TMEM131: variants seen among roughly 807,000 people sequenced by gnomAD.
The protein encoded by TMEM131 is 2610524E03Rik.
Under a neutral mutation model 211.6 loss-of-function variants are expected in TMEM131, and 66 were observed. That is an observed-to-expected ratio of 0.31 (90% confidence interval 0.26 to 0.38). TMEM131 has a LOEUF of 0.38. TMEM131 is among the 10% of genes least tolerant of loss of function. TMEM131 has a pLI of 1.00. For synonymous variants in TMEM131, 844 were observed against 841.3 expected (o/e 1.00, Z -0.06); for missense variants, 2,036 against 2,299.3 (o/e 0.89, Z 2.34).
At chr2:97,793,993 C>G (rs1212773455) in intron 29 of TMEM131, among the ~76,000 whole-genome samples, 1 of 54,434 alleles carries the variant, frequency 1.8e-5, no homozygotes, top group African/African-American at 7.6e-5. Flanking sequence ...GACTCTGTCT[C>G]AAAAAAAAAA....
intron 29 of TMEM131, among the ~76,000 whole-genome samples, chr2:97,793,811 G>A (rs752732162): frequency 2.0e-5 from 3 of 151,616 alleles, no homozygotes; most frequent in Non-Finnish European, 2.9e-5. Flanking sequence ...TGGCTAACAT[G>A]GTGAAACCCC....
At chr2:97,909,420 G>A (rs1018408739) in intron 2 of TMEM131, among the ~76,000 whole-genome samples, 3 of 152,098 alleles carry the variant, frequency 2.0e-5, no homozygotes, top group Admixed American at 2.0e-4. Flanking sequence ...GCCTTGTAAG[G>A]AAGTCATGGG....
At chr2:97,812,285 T>C in intron 17 of TMEM131, 136 bp downstream of exon 17, 4 of 950,568 alleles carry the variant, frequency 4.2e-6, no homozygotes, top group Non-Finnish European at 6.0e-6. Context: ...ACCTATAAGG[T>C]CCTTTTAATA....
chr2:97,810,775 T>G (rs1681512477), intron 18 of TMEM131, among the ~76,000 whole-genome samples: 1 of 152,212 alleles, frequency 6.6e-6, no homozygotes, highest in African/African-American at 2.4e-5. Context: ...AGACCCTGAC[T>G]GCTATTTATG....
chr2:97,775,200 G>T (rs558830110), intron 32 of TMEM131, among the ~76,000 whole-genome samples: 1 of 152,120 alleles, frequency 6.6e-6, no homozygotes, highest in Non-Finnish European at 1.5e-5. Flanking sequence ...AGGCCCACTG[G>T]ACCCGACACT....
intron 3 of TMEM131, among the ~76,000 whole-genome samples, chr2:97,894,161 T>C (rs1438772705): frequency 6.6e-6 from 1 of 152,232 alleles, no homozygotes; most frequent in Non-Finnish European, 1.5e-5. Flanking sequence ...CTTGTTTTTG[T>C]CAGGTTTGTC....
At chr2:97,943,089 G>GAAAGAAAGAAAGAAAGAA (rs1559464696) in intron 1 of TMEM131, among the ~76,000 whole-genome samples, 1 of 147,054 alleles carries the variant, frequency 6.8e-6, no homozygotes, top group South Asian at 2.1e-4. Flanking sequence ...AAGAAAGAAA[G>GAAAGAAAGAAAGAAAGAA]AAAGAAAGAA....
chr2:97,995,344 C>T (rs1354191774), intron 1 of TMEM131, 132 bp downstream of exon 1: 22 of 910,582 alleles, frequency 2.4e-5, no homozygotes, highest in East Asian at 3.5e-5. Flanking sequence ...GGTCCCGGCT[C>T]GGGACGGTAC....
chr2:97,822,589 T>C (rs1485542957), intron 11 of TMEM131, among the ~76,000 whole-genome samples: 1 of 152,106 alleles, frequency 6.6e-6, no homozygotes. Context: ...TTGGTCCTCT[T>C]TGTGGTATAG....
At chr2:97,810,570 T>C (rs1046821329) in intron 18 of TMEM131, among the ~76,000 whole-genome samples, 2 of 152,180 alleles carry the variant, frequency 1.3e-5, no homozygotes, top group African/African-American at 4.8e-5. Context: ...GATATACAAT[T>C]AAAAACATTT....
In TMEM131 at chr2:97,801,548, A is replaced by ATGAC. The variant is rs567035986; in HGVS notation, c.2718+343_2718+346dup. On this transcript the variant is annotated intron_variant, in intron 25 of 40. Coordinates refer to ENST00000186436, the MANE Select transcript of TMEM131 (RefSeq NM_015348.2). ...CAAAGTATCCAGAATGAAAATGTAA[A>ATGAC]TGACTGAGCTCAATATTTTGATGCT... Among the ~76,000 whole-genome samples the ATGAC allele has an allele frequency of 7.4e-4, 113 of 152,354 alleles. 1 individual carries two copies. The East Asian group carries it at 9.1e-3, about 12-fold the overall frequency.
chr2:97,954,806 CAA>C (rs778680522), intron 1 of TMEM131, among the ~76,000 whole-genome samples: 3 of 37,052 alleles, frequency 8.1e-5, no homozygotes, highest in African/African-American at 1.2e-4. Context: ...AACTCCATCT[CAA>C]AAAAAAAAAA....
intron 31 of TMEM131, among the ~76,000 whole-genome samples, chr2:97,785,241 G>A (rs1680192182): frequency 6.6e-6 from 1 of 152,176 alleles, no homozygotes; most frequent in South Asian, 2.1e-4. Context: ...CTACAGGCAA[G>A]TAAAAATTAT....
intron 24 of TMEM131, 62 bp downstream of exon 24, chr2:97,802,366 G>A (rs1485917711): frequency 8.1e-7 from 1 of 1,236,910 alleles, no homozygotes; most frequent in African/African-American, 1.5e-5. Context: ...GGCTTTTTAA[G>A]TGAATAAAAT....
At chr2:97,931,798 C>G (rs926935786) in intron 1 of TMEM131, among the ~76,000 whole-genome samples, 1 of 152,196 alleles carries the variant, frequency 6.6e-6, no homozygotes, top group African/African-American at 2.4e-5. Context: ...GTCCCCAAAG[C>G]TGTGTTACAG....
chr2:97,788,014 C>G lies in TMEM131; in HGVS notation c.4144+4372G>C, dbSNP rs187877481. ...TCTCTATCTGTGAGGTTCCTTCTGGCTAAAGGTCCTTCCCCAAGTTGCTAA... is the reference window on the plus strand; with the variant it reads ...TCTCTATCTGTGAGGTTCCTTCTGGGTAAAGGTCCTTCCCCAAGTTGCTAA... On this transcript the variant is annotated intron_variant, in intron 31 of 40. Transcript: ENST00000186436. 2.0e-5 allele frequency among the ~76,000 whole-genome samples: 3 copies of G among 152,268 alleles called. No individual in the cohort carries two copies. In the East Asian group the frequency reaches 5.8e-4, roughly 29 times the overall value.
At chr2:97,779,923 G>C (rs1679916474) in intron 31 of TMEM131, among the ~76,000 whole-genome samples, 1 of 152,136 alleles carries the variant, frequency 6.6e-6, no homozygotes, top group African/African-American at 2.4e-5. Context: ...AGAAGGCTGA[G>C]GCAGGAGGAT....
chr2:97,911,204 A>G (rs1181991560), intron 2 of TMEM131, among the ~76,000 whole-genome samples: 1 of 152,206 alleles, frequency 6.6e-6, no homozygotes, highest in Admixed American at 6.6e-5. Context: ...AAAAAAGTAC[A>G]TTCTGTATGA....
intron 2 of TMEM131, chr2:97,911,535 T>A: frequency 1.6e-6 from 1 of 633,992 alleles, no homozygotes; most frequent in Non-Finnish European, 2.0e-6. Context: ...TCAGGACGTG[T>A]ATCACTCATG....
Sources: allele counts gnomAD v4.1 joint callset (sites outside exome capture counted in the v4.1 genomes callset), GRCh38; gene constraint gnomAD v4.1.1; transcripts MANE v1.5; gene names NCBI Gene and HGNC (gene_info 2026-07-23, HGNC 2026-07-21).